PIK3R1: variants seen among roughly 807,000 people sequenced by gnomAD.
PIK3R1 encodes phosphoinositide-3-kinase regulatory subunit 1, also known as phosphatidylinositol 3-kinase regulatory subunit alpha.
A neutral mutation model predicts 98.0 loss-of-function variants in PIK3R1; 29 were observed. That is an observed-to-expected ratio of 0.30 (90% CI 0.22 to 0.40). The LOEUF (loss-of-function observed/expected upper bound fraction) is 0.40. Ranked by LOEUF, PIK3R1 falls within the 10% of genes least tolerant of loss-of-function variation. PIK3R1 has a pLI of 1.00. For missense variants in PIK3R1, 596 were observed against 872.7 expected (o/e 0.68, Z 3.99); for synonymous variants, 282 against 311.8 (o/e 0.90, Z 1.01).
At chr5:68,288,094 A>T (rs1011780667) in intron 7 of PIK3R1, among the ~76,000 whole-genome samples, 3 of 152,116 alleles carry the variant, frequency 2.0e-5, no homozygotes, top group African/African-American at 7.2e-5. Flanking sequence ...TTGCTGAACT[A>T]GCTCAGCCAC....
intron 2 of PIK3R1, among the ~76,000 whole-genome samples, chr5:68,261,710 C>A (rs1405947467): frequency 1.3e-5 from 2 of 152,180 alleles, no homozygotes; most frequent in African/African-American, 4.8e-5. Flanking sequence ...AAAAAAATTA[C>A]TCAAGCTCAT....
chr5:68,242,935 A>C (rs143227347), intron 2 of PIK3R1, among the ~76,000 whole-genome samples: 1 of 152,148 alleles, frequency 6.6e-6, no homozygotes, highest in African/African-American at 2.4e-5. Context: ...TGTGTTTTGC[A>C]TGACTCATTT....
At position 68,227,023 on chromosome 5, in the gene PIK3R1, A is replaced by C. The variant is rs706714; in HGVS notation, c.334+14A>C. On this transcript the variant is annotated intron_variant, in intron 2 of 15. Coordinates refer to ENST00000521381, the MANE Select transcript of PIK3R1 (RefSeq NM_181523.3). ...TTGAACAACAAGGTCAGTATTGATA[A>C]GTGGTTGCTTAATGACTCCCTTTCT... The C allele has an allele frequency of 0.28, 447,982 of 1,578,110 alleles. 69,982 individuals are homozygous for C. The highest frequency in any genetic ancestry group is 0.72 in the East Asian group (32,129 of 44,462).
In PIK3R1 at chr5:68,288,699, T is replaced by C. The variant is rs1344471905; in HGVS notation, c.917-3560T>C. ...AGCTTTGGGGATTTTTTTTTTTTCA[T>C]TGTCGGATACAGGCATTTCAAAGGG... On this transcript the variant is annotated intron_variant, in intron 7 of 15. Coordinates refer to ENST00000521381, the MANE Select transcript of PIK3R1 (RefSeq NM_181523.3). 5.6e-6 allele frequency: 9 copies of C among 1,611,832 alleles called. No homozygotes were observed. The East Asian group carries it at 2.0e-4, about 36-fold the overall frequency.
chr5:68,258,354 G>T (rs1376780049), intron 2 of PIK3R1, among the ~76,000 whole-genome samples: 1 of 152,036 alleles, frequency 6.6e-6, no homozygotes, highest in Admixed American at 6.6e-5. Flanking sequence ...CTTTGAATTT[G>T]AGGATCCTGT....
intron 1 of PIK3R1, among the ~76,000 whole-genome samples, chr5:68,224,302 T>G (rs1209022599): frequency 1.3e-5 from 2 of 152,254 alleles, no homozygotes; most frequent in African/African-American, 4.8e-5. Context: ...TCTGGATCTT[T>G]CAAAAGGAAA....
chr5:68,219,043 G>A (rs867819790), intron 1 of PIK3R1, among the ~76,000 whole-genome samples: 1 of 152,052 alleles, frequency 6.6e-6, no homozygotes, highest in African/African-American at 2.4e-5. Flanking sequence ...TAAAAGAGTG[G>A]CAATTAACGA....
At chr5:68,216,995 T>C (rs1312143506) in intron 1 of PIK3R1, among the ~76,000 whole-genome samples, 1 of 152,176 alleles carries the variant, frequency 6.6e-6, no homozygotes, top group Admixed American at 6.5e-5. Flanking sequence ...ATCGGAAAGG[T>C]CTCACTTCCA....
At chr5:68,295,704 A>G (rs1747675746) in intron 14 of PIK3R1, 2 of 577,900 alleles carry the variant, frequency 3.5e-6, no homozygotes, top group Non-Finnish European at 6.2e-6. Context: ...ATGCTGTGAA[A>G]CAACTCTCTG....
intron 5 of PIK3R1, 53 bp downstream of exon 5, chr5:68,279,786 G>C (rs1342275170): frequency 6.4e-7 from 1 of 1,567,022 alleles, no homozygotes; most frequent in Non-Finnish European, 8.8e-7. Context: ...AGATGTAGAG[G>C]TGCTTGTATA....
In PIK3R1 at chr5:68,238,113, T is replaced by C. The variant is rs144386714; in HGVS notation, c.334+11104T>C. On this transcript the variant is annotated intron_variant, in intron 2 of 15. Coordinates refer to ENST00000521381, the MANE Select transcript of PIK3R1 (RefSeq NM_181523.3). ...TGTGTTCACTGAGGGTTTTGAGTAT[T>C]ACAGGCTCTCCATCACTCAGAGCAT... Among the ~76,000 whole-genome samples the C allele has an allele frequency of 2.7e-3, 415 of 152,356 alleles. 3 individuals are homozygous for C. The highest frequency in any genetic ancestry group is 9.5e-3 in the African/African-American group (395 of 41,584).
At chr5:68,258,473 T>TA (rs1371175225) in intron 2 of PIK3R1, among the ~76,000 whole-genome samples, 1 of 152,236 alleles carries the variant, frequency 6.6e-6, no homozygotes, top group Non-Finnish European at 1.5e-5. Context: ...CTCTTTAAGT[T>TA]ATTTTCATTT....
At chr5:68,256,314 C>T (rs952870217) in intron 2 of PIK3R1, among the ~76,000 whole-genome samples, 4 of 152,218 alleles carry the variant, frequency 2.6e-5, no homozygotes, top group Admixed American at 2.6e-4. Context: ...ACTGCAAGCT[C>T]CACCTCTCAG....
At chr5:68,261,205 T>G (rs1352406888) in intron 2 of PIK3R1, among the ~76,000 whole-genome samples, 4 of 152,230 alleles carry the variant, frequency 2.6e-5, no homozygotes, top group African/African-American at 9.6e-5. Flanking sequence ...GTAAATTTAG[T>G]AATTTTATGT....
At chr5:68,217,248 G>A (rs185979673) in intron 1 of PIK3R1, among the ~76,000 whole-genome samples, 12 of 152,282 alleles carry the variant, frequency 7.9e-5, no homozygotes, top group African/African-American at 2.9e-4. Flanking sequence ...ATTGGTCAAG[G>A]CTTGATGTGG....
intron 2 of PIK3R1, among the ~76,000 whole-genome samples, chr5:68,268,891 G>A (rs16897570): frequency 0.33 from 50,323 of 152,116 alleles, 9,903 homozygotes; most frequent in African/African-American, 0.56. Flanking sequence ...GGTGCCCAAG[G>A]ACTGTCGAGG....
At chr5:68,216,794 G>GC (rs1743900927) in intron 1 of PIK3R1, among the ~76,000 whole-genome samples, 1 of 54,284 alleles carries the variant, frequency 1.8e-5, no homozygotes. Context: ...CTCAGAAACT[G>GC]CCCCTCAGAT....
Position 68,301,422 on chromosome 5 carries a change from A to ATGTGTGTGTG in PIK3R1, c.*3822_*3823insGTGTGTGTGT, listed in dbSNP as rs1472617506. On this transcript the variant is annotated 3_prime_UTR_variant, in exon 16 of 16. Transcript: ENST00000521381. ...TATATATATATATATATATATATATATATATATATATGTGTGTGTATATAT... is the reference window on the plus strand; with the variant it reads ...TATATATATATATATATATATATATATGTGTGTGTGTATATATATATGTGTGTGTATATAT... 1 of 98,726 alleles carries ATGTGTGTGTG rather than the reference A, an allele frequency of 1.0e-5. No individual in the cohort carries two copies. Among genetic ancestry groups the ATGTGTGTGTG allele is most frequent in the Non-Finnish European group, 2.0e-5 (1 of 51,156 alleles). The allele number at this position is 98,726 out of a possible 1,614,324, so 6.1% of individuals were successfully genotyped here.
chr5:68,297,140 T>A (rs554737492), intron 15 of PIK3R1, among the ~76,000 whole-genome samples: 1 of 152,326 alleles, frequency 6.6e-6, no homozygotes, highest in South Asian at 2.1e-4. Context: ...TATCTAGCAT[T>A]TTGCATGCAT....
Sources: allele counts gnomAD v4.1 joint callset (sites outside exome capture counted in the v4.1 genomes callset), GRCh38; gene constraint gnomAD v4.1.1; transcripts MANE v1.5; gene names NCBI Gene and HGNC (gene_info 2026-07-23, HGNC 2026-07-21).